EPO: variants seen among roughly 807,000 people sequenced by gnomAD.
EPO encodes erythropoietin.
A neutral mutation model predicts 24.4 loss-of-function variants in EPO; 12 were observed. The ratio of observed to expected loss-of-function variants is 0.49; its 90% CI spans 0.32 to 0.80. The LOEUF (loss-of-function observed/expected upper bound fraction) is 0.80. Ranked by LOEUF, EPO falls within the 30% of genes least tolerant of loss-of-function variation. The probability of loss-of-function intolerance (pLI) is 0.04; values close to 1 mark genes in which losing one functional copy is unlikely to be tolerated. For missense variants in EPO, 210 were observed against 238.0 expected (o/e 0.88, Z 0.77); for synonymous variants, 107 against 104.0 (o/e 1.03, Z -0.18).
rs747340501 is a variant in EPO at position 100,721,703 on chromosome 7, G to A, written c.159G>A (p.Thr53=). 5.0e-6 allele frequency: 8 copies of A among 1,608,046 alleles called. No homozygotes were observed. The highest frequency in any genetic ancestry group is 3.3e-5 in the South Asian group (3 of 91,026). ...LLEAKEAENI[T]TGCAEHCSLN... ...AGGCCAAGGAGGCCGAGAATATCAC[G>A]GTGAGACCCCTTCCCCAGCACATTC... is the stretch of plus-strand genomic sequence containing the variant. The change falls in exon 2 of 5, where the codon ACG becomes ACA. Residue 53 remains threonine (T), a splice_region_variant and synonymous_variant. Transcript: ENST00000252723. This position sits in a 1 kb window ranked among gnomAD's most constrained non-coding sequence, Gnocchi z 4.0.
At position 100,722,678 on chromosome 7, in the gene EPO, C is replaced by T. The variant is rs140683829; in HGVS notation, c.261C>T (p.Ala87=). ...AWKRMEVGQQ[A]VEVWQGLALL... is the part of the protein sequence containing the mutation. The stretch of plus-strand genomic sequence containing the variant: ...ACTCCCTGTAGGTCGGGCAGCAGGC[C>T]GTAGAAGTCTGGCAGGGCCTGGCCC... Residue 87 remains alanine (A), a synonymous_variant, in exon 4 of 5, where the codon GCC becomes GCT. Coordinates refer to ENST00000252723, the MANE Select transcript of EPO (RefSeq NM_000799.4). The T allele has an allele frequency of 1.8e-4, 286 of 1,597,988 alleles. 1 individual carries two copies. The African/African-American group carries it at 2.0e-3, about 11-fold the overall frequency.
chr7:100,721,082 T>G lies in EPO; in HGVS notation c.13+89T>G. The G allele has an allele frequency of 4.1e-6, 5 of 1,222,704 alleles. No individual in the cohort carries two copies. Among genetic ancestry groups the G allele is most frequent in the East Asian group, 5.5e-5 (1 of 18,124 alleles). The allele number at this position is 1,222,704 out of a possible 1,614,324, so 75.7% of individuals were successfully genotyped here. A position where few individuals can be genotyped will look rare whatever the true frequency, so the allele number is the denominator to read the frequency against. ...CCCCGGCTATTGGCCAGGAGGTGGC[T>G]GGGTTCAAGGACCGGCGACTTGTCA... On this transcript the variant is annotated intron_variant, in intron 1 of 4. Transcript: ENST00000252723. This position sits in a 1 kb window ranked among gnomAD's most constrained non-coding sequence, Gnocchi z 4.0.
Position 100,723,098 on chromosome 7 carries a change from T to A in EPO, c.547T>A (p.Tyr183Asn). The change falls in exon 5 of 5, where the codon TAC becomes AAC. Residue 183 changes from tyrosine (Y) to asparagine (N), a missense_variant. Transcript: ENST00000252723. ...SNFLRGKLKL[Y>N]TGEACRTGDR ...TTTCCTCCGGGGAAAGCTGAAGCTG[T>A]ACACAGGGGAGGCCTGCAGGACAGG... The A allele has an allele frequency of 6.2e-7, 1 of 1,614,032 alleles. No homozygotes were observed. Among genetic ancestry groups the A allele is most frequent in the Non-Finnish European group, 8.5e-7 (1 of 1,180,018 alleles).
At chr7:100,722,145 A>C in intron 3 of EPO, 97 bp downstream of exon 3, 1 of 1,181,726 alleles carries the variant, frequency 8.5e-7, no homozygotes, top group Non-Finnish European at 1.2e-6. Context: ...GAAAGGTAAA[A>C]TGGAGCAGCA....
Position 100,721,048 on chromosome 7 carries a change from G to T in EPO, c.13+55G>T. The T allele has an allele frequency of 6.6e-7, 1 of 1,512,726 alleles. No individual in the cohort carries two copies. The allele number at this position is 1,512,726 out of a possible 1,614,324, so 93.7% of individuals were successfully genotyped here. A position where few individuals can be genotyped will look rare whatever the true frequency, so the allele number is the denominator to read the frequency against. On this transcript the variant is annotated intron_variant, in intron 1 of 4. Transcript: ENST00000252723. The surrounding 1 kb of genome is among the most constrained non-coding windows in gnomAD (Gnocchi z 4.0). ...CCGCCCGGGTCCCTGTTTGAGCGGGGATTTAGCGCCCCGGCTATTGGCCAG... is the reference window on the plus strand; with the variant it reads ...CCGCCCGGGTCCCTGTTTGAGCGGGTATTTAGCGCCCCGGCTATTGGCCAG...
In EPO at chr7:100,721,035, C is replaced by G; in HGVS notation, c.13+42C>G. 6.5e-7 allele frequency: 1 copy of G among 1,539,114 alleles called. No individual in the cohort carries two copies. On this transcript the variant is annotated intron_variant, in intron 1 of 4. Coordinates refer to ENST00000252723, the MANE Select transcript of EPO (RefSeq NM_000799.4). The surrounding 1 kb of genome is among the most constrained non-coding windows in gnomAD (Gnocchi z 4.0). ...TGGGCGCTCCCGCCCGCCCGGGTCC[C>G]TGTTTGAGCGGGGATTTAGCGCCCC...
chr7:100,722,861 C>T lies in EPO; in HGVS notation c.426+18C>T, dbSNP rs769642147. On this transcript the variant is annotated intron_variant, in intron 4 of 4. Transcript: ENST00000252723. ...GAGCCCAGGTGAGTAGGAGCGGACA[C>T]TTCTGCTTGCCCTTTCTGTAAGAAG... 1.9e-6 allele frequency: 3 copies of T among 1,611,052 alleles called. No homozygotes were observed. The Admixed American group carries it at 5.0e-5, about 27-fold the overall frequency.
chr7:100,722,823 C>T lies in EPO; in HGVS notation c.406C>T (p.Leu136Phe). Residue 136 changes from leucine to phenylalanine, a missense_variant, in exon 4 of 5, where the codon CTT becomes TTT. Coordinates refer to ENST00000252723, the MANE Select transcript of EPO (RefSeq NM_000799.4). ...TGGCCTTCGCAGCCTCACCACTCTG[C>T]TTCGGGCTCTGGGAGCCCAGGTGAG... The part of the protein sequence containing the change: ...VSGLRSLTTL[L>F]RALGAQKEAI... The T allele has an allele frequency of 1.2e-6, 2 of 1,613,404 alleles. No homozygotes were observed. Among genetic ancestry groups the T allele is most frequent in the Non-Finnish European group, 1.7e-6 (2 of 1,179,822 alleles).
Position 100,723,187 on chromosome 7 carries a change from GCCACA to G in EPO, c.*57_*61del. 6.4e-7 allele frequency: 1 copy of G among 1,550,690 alleles called. No homozygotes were observed. Among genetic ancestry groups the G allele is most frequent in the East Asian group, 2.3e-5 (1 of 43,908 alleles). On this transcript the variant is annotated 3_prime_UTR_variant, in exon 5 of 5. Coordinates refer to ENST00000252723, the MANE Select transcript of EPO (RefSeq NM_000799.4). ...CACCTCCCTCACCAACATTGCTTGT[GCCACA>G]CCCTCCCCCGCCACTCCTGAACCCC...
In EPO at chr7:100,721,025, G is replaced by A. The variant is rs759840144; in HGVS notation, c.13+32G>A. ...ACTCGCGGGCTGGGCGCTCCCGCCC[G>A]CCCGGGTCCCTGTTTGAGCGGGGAT... On this transcript the variant is annotated intron_variant, in intron 1 of 4. Coordinates refer to ENST00000252723, the MANE Select transcript of EPO (RefSeq NM_000799.4). This position sits in a 1 kb window ranked among gnomAD's most constrained non-coding sequence, Gnocchi z 4.0. 5 of 1,558,052 alleles carry A rather than the reference G, an allele frequency of 3.2e-6. No individual in the cohort carries two copies. The highest frequency in any genetic ancestry group is 1.4e-5 in the African/African-American group (1 of 72,596).
At position 100,720,663 on chromosome 7, in the gene EPO, C is replaced by T; in HGVS notation, c.-318C>T. On this transcript the variant is annotated 5_prime_UTR_variant, in exon 1 of 5. Transcript: ENST00000252723. Reference sequence around the variant, plus strand: ...CGGGTGGCCCCTACCCCTGGCGACCCCTCACGCACACAGCCTCTCCCCCAC... The same window carrying T: ...CGGGTGGCCCCTACCCCTGGCGACCTCTCACGCACACAGCCTCTCCCCCAC... The T allele has an allele frequency of 3.1e-6, 1 of 323,948 alleles. No homozygotes were observed. 20.1% of individuals were successfully genotyped at this position (323,948 alleles called of 1,614,324 possible). A position where few individuals can be genotyped will look rare whatever the true frequency, so the allele number is the denominator to read the frequency against.
rs1307702926 is a variant in EPO, at chr7:100,721,713, C to A, written c.159+10C>A. 1.9e-6 allele frequency: 3 copies of A among 1,606,264 alleles called. No individual in the cohort carries two copies. Among genetic ancestry groups the A allele is most frequent in the Non-Finnish European group, 2.5e-6 (3 of 1,179,308 alleles). ...GGCCGAGAATATCACGGTGAGACCC[C>A]TTCCCCAGCACATTCCACAGAACTC... On this transcript the variant is annotated intron_variant, in intron 2 of 4. Transcript: ENST00000252723. This position sits in a 1 kb window ranked among gnomAD's most constrained non-coding sequence, Gnocchi z 4.0.
At chr7:100,722,508 TTCACTCACTCAC>T (rs10550542) in intron 3 of EPO, among the ~76,000 whole-genome samples, 144 bp from the exon 4 acceptor site, 5 of 151,288 alleles carry the variant, frequency 3.3e-5, no homozygotes, top group Admixed American at 6.6e-5. Context: ...TCATTATTCA[TTCACTCACTCAC>T]TCACTCACTC....
At position 100,722,959 on chromosome 7, in the gene EPO, C is replaced by T. The variant is rs373508155; in HGVS notation, c.427-19C>T. The T allele has an allele frequency of 6.2e-7, 1 of 1,613,456 alleles. No homozygotes were observed. On this transcript the variant is annotated intron_variant, in intron 4 of 4. Coordinates refer to ENST00000252723, the MANE Select transcript of EPO (RefSeq NM_000799.4). ...CCTTTCTGTGGCACTGCAGCGACCT[C>T]CTGTTTTCTCCTTGGCAGAAGGAAG...
In EPO at chr7:100,721,118, AAGGGGG is replaced by A; in HGVS notation, c.13+132_13+137del. ...ACCGGCGACTTGTCAAGGACCCCGG[AAGGGGG>A]AGGGGGGTGGGGCAGCCTCCACGTG... On this transcript the variant is annotated intron_variant, in intron 1 of 4. Transcript: ENST00000252723. This position sits in a 1 kb window ranked among gnomAD's most constrained non-coding sequence, Gnocchi z 4.0. 3.2e-6 allele frequency: 1 copy of A among 309,510 alleles called. No individual in the cohort carries two copies. The highest frequency in any genetic ancestry group is 6.2e-6 in the Non-Finnish European group (1 of 162,362). The allele number at this position is 309,510 out of a possible 1,614,324, so 19.2% of individuals were successfully genotyped here.
chr7:100,721,048 G>A lies in EPO; in HGVS notation c.13+55G>A, dbSNP rs1270566474. The A allele has an allele frequency of 4.6e-6, 7 of 1,512,728 alleles. No homozygotes were observed. Among genetic ancestry groups the A allele is most frequent in the East Asian group, 5.4e-5 (2 of 37,094 alleles). 93.7% of individuals were successfully genotyped at this position (1,512,728 alleles called of 1,614,324 possible). On this transcript the variant is annotated intron_variant, in intron 1 of 4. Transcript: ENST00000252723. This position sits in a 1 kb window ranked among gnomAD's most constrained non-coding sequence, Gnocchi z 4.0. ...CCGCCCGGGTCCCTGTTTGAGCGGG[G>A]ATTTAGCGCCCCGGCTATTGGCCAG...
At chr7:100,722,901 G>T (rs939813097) in intron 4 of EPO, 58 bp downstream of exon 4, 1 of 1,606,804 alleles carries the variant, frequency 6.2e-7, no homozygotes, top group African/African-American at 1.3e-5. Context: ...GAAGGGTCTT[G>T]CTAAGGAGTA....
At position 100,722,598 on chromosome 7, in the gene EPO, G is replaced by A. The variant is rs7789679; in HGVS notation, c.247-66G>A. The A allele has an allele frequency of 0.071, 99,947 of 1,404,506 alleles. 4,073 individuals are homozygous for A. Among genetic ancestry groups the A allele is most frequent in the Non-Finnish European group, 0.08 (82,453 of 1,032,682 alleles). 87.0% of individuals were successfully genotyped at this position (1,404,506 alleles called of 1,614,324 possible). ...CTGTTTGCTCAGCTTGGTGCTTGGG[G>A]CTGCTGAGGGGCAGGAGGGAGAGGG... On this transcript the variant is annotated intron_variant, in intron 3 of 4. Transcript: ENST00000252723.
At position 100,721,508 on chromosome 7, in the gene EPO, G is replaced by T. The variant is rs1382721199; in HGVS notation, c.14-50G>T. The T allele has an allele frequency of 6.3e-7, 1 of 1,590,496 alleles. No homozygotes were observed. The highest frequency in any genetic ancestry group is 8.6e-7 in the Non-Finnish European group (1 of 1,166,386). On this transcript the variant is annotated intron_variant, in intron 1 of 4. Coordinates refer to ENST00000252723, the MANE Select transcript of EPO (RefSeq NM_000799.4). This position sits in a 1 kb window ranked among gnomAD's most constrained non-coding sequence, Gnocchi z 4.0. ...GGATGAAGGAAGCTGTCCTTCCACA[G>T]CCACCCTTCTCCCTCCCCGCCTGAC...
Sources: gnomAD v4.1 joint callset for allele counts (sites outside exome capture counted in the v4.1 genomes callset) on GRCh38, gnomAD v4.1.1 for gene constraint, Gnocchi (gnomAD v3.1) non-coding constraint, MANE v1.5 for transcripts, NCBI Gene and HGNC (gene_info 2026-07-23, HGNC 2026-07-21) for gene names.